Variants in TMEM164 observed in about 807,000 individuals in gnomAD.
The protein encoded by TMEM164 is RP13-360B22.2.
A neutral mutation model predicts 18.8 loss-of-function variants in TMEM164; 4 were observed. The ratio of observed to expected loss-of-function variants is 0.21; its 90% CI spans 0.10 to 0.49. TMEM164 has a LOEUF of 0.49. Ranked by LOEUF, TMEM164 falls within the 20% of genes least tolerant of loss-of-function variation. The pLI is 0.98. For synonymous variants in TMEM164, 86 were observed against 101.7 expected (o/e 0.85, Z 0.93); for missense variants, 108 against 239.9 (o/e 0.45, Z 3.63).
intron 2 of TMEM164, among the ~76,000 whole-genome samples, chrX:110,019,730 GGTAGCCACTTATCAATCA>G (rs1217761944): frequency 8.9e-6 from 1 of 112,130 alleles, no homozygotes; most frequent in African/African-American, 3.2e-5. Context: ...TAGCATTCTA[GGTAGCCACTTATCAATCA>G]GTCAGAGCTG....
At chrX:110,158,290 G>A (rs998484024) in intron 5 of TMEM164, among the ~76,000 whole-genome samples, 2 of 111,866 alleles carry the variant, frequency 1.8e-5, no homozygotes, top group African/African-American at 3.3e-5. Context: ...AGAAGAATCC[G>A]TGGATTTTTC....
intron 2 of TMEM164, among the ~76,000 whole-genome samples, chrX:110,052,010 G>T (rs919086775): frequency 8.9e-6 from 1 of 111,948 alleles, no homozygotes; most frequent in Non-Finnish European, 1.9e-5. Context: ...TTTTCCTTCT[G>T]ATTTTTATCT....
At chrX:110,004,245 C>G in intron 2 of TMEM164, 81 bp downstream of exon 2, 1 of 1,067,192 alleles carries the variant, frequency 9.4e-7, no homozygotes, top group East Asian at 3.1e-5. Flanking sequence ...GTGTACAGCA[C>G]CTCATCCCGG....
intron 5 of TMEM164, among the ~76,000 whole-genome samples, chrX:110,165,256 T>C (rs2067144943): frequency 1.8e-5 from 2 of 112,975 alleles, no homozygotes; most frequent in Non-Finnish European, 3.7e-5. Context: ...ACCAGGCACA[T>C]GTGACTGCTG....
intron 3 of TMEM164, among the ~76,000 whole-genome samples, chrX:110,092,922 G>A (rs2065953914): frequency 8.9e-6 from 1 of 111,925 alleles, no homozygotes; most frequent in South Asian, 3.7e-4. Context: ...AGCATGAAGG[G>A]CTGTTGAATT....
rs745630401 is a variant in TMEM164 at position 110,097,515 on chromosome X, A to G, written c.441-11565A>G. 7.1e-5 allele frequency among the ~76,000 whole-genome samples: 8 copies of G among 112,720 alleles called. No homozygotes were observed. The East Asian group carries it at 2.2e-3, about 31-fold the overall frequency. On this transcript the variant is annotated intron_variant, in intron 3 of 6. Transcript: ENST00000372068. Reference sequence around the variant, plus strand: ...ATAATCTTTCTCTATACAATGTACCATTTATTTAAGGGTATAAACATGAAA... The same window carrying G: ...ATAATCTTTCTCTATACAATGTACCGTTTATTTAAGGGTATAAACATGAAA...
chrX:110,099,049 T>C (rs1327657221), intron 3 of TMEM164, among the ~76,000 whole-genome samples: 6 of 107,472 alleles, frequency 5.6e-5, no homozygotes, highest in East Asian at 2.9e-4. Flanking sequence ...CTGCCCACCT[T>C]GGCCTCCCAA....
chrX:110,182,686 A>G (rs913887168), downstream of TMEM164: 2 of 111,600 alleles, frequency 1.8e-5, no homozygotes, highest in Non-Finnish European at 3.8e-5. Context: ...GAAGAACACA[A>G]TGATTTCCCT....
At chrX:110,020,563 A>C (rs764214991) in intron 2 of TMEM164, 9 of 752,658 alleles carry the variant, frequency 1.2e-5, no homozygotes, top group Non-Finnish European at 1.4e-5. Context: ...CCATCCAGGA[A>C]GTGGAATGAG....
In TMEM164 at chrX:110,096,550, G is replaced by T. The variant is rs755915599; in HGVS notation, c.441-12530G>T. ...AGACCATTGGAAAAGCGCAGTATTA[G>T]GGTGGGAGTGTCCCAATTTTCCATG... On this transcript the variant is annotated intron_variant, in intron 3 of 6. Coordinates refer to ENST00000372068, the MANE Select transcript of TMEM164 (RefSeq NM_032227.4). 6.8e-4 allele frequency among the ~76,000 whole-genome samples: 77 copies of T among 112,461 alleles called. 1 individual carries two copies. The highest frequency in any genetic ancestry group is 1.2e-3 in the Non-Finnish European group (63 of 53,304).
chrX:110,128,542 C>G (rs2066567595), intron 4 of TMEM164, among the ~76,000 whole-genome samples: 1 of 111,254 alleles, frequency 9.0e-6, no homozygotes, highest in Non-Finnish European at 1.9e-5. Flanking sequence ...TGTTTGGGAG[C>G]CTTTGGGCTT....
At chrX:110,081,960 C>G (rs1262245329) in intron 3 of TMEM164, among the ~76,000 whole-genome samples, 1 of 112,453 alleles carries the variant, frequency 8.9e-6, no homozygotes. Context: ...GGAGAAGGGA[C>G]AGGATTCTCC....
chrX:110,103,759 T>A (rs1424072921), intron 3 of TMEM164, among the ~76,000 whole-genome samples: 1 of 111,850 alleles, frequency 8.9e-6, no homozygotes, highest in African/African-American at 3.3e-5. Context: ...TATCATGACT[T>A]TTCTTTGCTT....
chrX:110,176,757 TC>T lies in TMEM164; in HGVS notation c.*3309del, dbSNP rs1297781092. On this transcript the variant is annotated 3_prime_UTR_variant, in exon 7 of 7. Coordinates refer to ENST00000372068, the MANE Select transcript of TMEM164 (RefSeq NM_032227.4). ...CAGGGAGTGGCAGAAGGGCCATTTTTCCCTCTGCCAAAAAGACTTCCTTGGA... is the reference window on the plus strand; with the variant it reads ...CAGGGAGTGGCAGAAGGGCCATTTTTCCTCTGCCAAAAAGACTTCCTTGGA... 1 of 111,532 alleles carries T rather than the reference TC, an allele frequency of 9.0e-6. No individual in the cohort carries two copies. The allele number at this position is 111,532 out of a possible 1,213,427, so 9.2% of individuals were successfully genotyped here. A position where few individuals can be genotyped will look rare whatever the true frequency, so the allele number is the denominator to read the frequency against.
chrX:110,041,534 G>T (rs979742769), intron 2 of TMEM164, among the ~76,000 whole-genome samples: 8 of 111,336 alleles, frequency 7.2e-5, no homozygotes, highest in Non-Finnish European at 1.5e-4. Flanking sequence ...TGAGCCTAAG[G>T]TGTCATTTTA....
chrX:110,098,727 A>G (rs2066060123), intron 3 of TMEM164, among the ~76,000 whole-genome samples: 1 of 110,832 alleles, frequency 9.0e-6, no homozygotes. Flanking sequence ...TGCCGTGAAA[A>G]CAACAACATA....
intron 5 of TMEM164, among the ~76,000 whole-genome samples, chrX:110,167,454 T>C (rs1379085754): frequency 3.6e-5 from 4 of 112,358 alleles, no homozygotes; most frequent in Non-Finnish European, 7.5e-5. Context: ...CATAGACAGA[T>C]ACATAGTTTG....
chrX:110,017,200 G>C (rs1028144346), intron 2 of TMEM164, among the ~76,000 whole-genome samples: 1 of 112,099 alleles, frequency 8.9e-6, no homozygotes, highest in Non-Finnish European at 1.9e-5. Flanking sequence ...CTAAATAGAA[G>C]CAGAGCTGAG....
intron 4 of TMEM164, 56 bp downstream of exon 4, chrX:110,109,202 A>C (rs913655455): frequency 1.9e-6 from 2 of 1,079,557 alleles, no homozygotes; most frequent in African/African-American, 3.7e-5. Context: ...ACTTGCCTAT[A>C]TGCCCATGTG....
Sources: gnomAD v4.1 joint callset for allele counts (sites outside exome capture counted in the v4.1 genomes callset) on GRCh38, gnomAD v4.1.1 for gene constraint, MANE v1.5 for transcripts, NCBI Gene and HGNC (gene_info 2026-07-23, HGNC 2026-07-21) for gene names.